Variants in TEC observed in about 807,000 individuals in gnomAD.
The protein encoded by TEC is tyrosine-protein kinase Tec.
Under a neutral mutation model 93.0 loss-of-function variants are expected in TEC, and 72 were observed. That is an observed-to-expected ratio of 0.77 (90% CI 0.64 to 0.94). The LOEUF (loss-of-function observed/expected upper bound fraction) is 0.94. TEC is among the 40% of genes least tolerant of loss of function. The pLI, the probability that TEC is intolerant of heterozygous loss-of-function variation, is 0.00. For missense variants in TEC, 630 were observed against 757.9 expected (o/e 0.83, Z 1.98); for synonymous variants, 249 against 247.7 (o/e 1.01, Z -0.05).
chr4:48,175,793 TC>T (rs914128626), intron 3 of TEC, among the ~76,000 whole-genome samples: 13 of 152,236 alleles, frequency 8.5e-5, no homozygotes, highest in Non-Finnish European at 1.8e-4. Context: ...ATTATTTTTT[TC>T]ATCACAAGCA....
At chr4:48,199,625 C>T (rs887553272) in intron 2 of TEC, among the ~76,000 whole-genome samples, 1 of 151,816 alleles carries the variant, frequency 6.6e-6, no homozygotes, top group East Asian at 1.9e-4. Context: ...CACCACCACA[C>T]CTGTCTAATT....
chr4:48,168,052 A>G, intron 6 of TEC, 99 bp from the exon 7 acceptor site: 1 of 1,029,950 alleles, frequency 9.7e-7, no homozygotes, highest in East Asian at 2.4e-5. Flanking sequence ...AGAATAAACT[A>G]GAAACTTCAA....
At chr4:48,235,573 G>T (rs1723761903) in intron 1 of TEC, among the ~76,000 whole-genome samples, 1 of 152,148 alleles carries the variant, frequency 6.6e-6, no homozygotes, top group South Asian at 2.1e-4. Flanking sequence ...GCTAAATGCT[G>T]TGAAATCTGG....
At chr4:48,233,287 T>G (rs1165791548) in intron 1 of TEC, among the ~76,000 whole-genome samples, 1 of 151,564 alleles carries the variant, frequency 6.6e-6, no homozygotes, top group East Asian at 1.9e-4. Context: ...TACCCTATAG[T>G]TAAGCCCACA....
At chr4:48,248,866 C>CTT (rs34690737) in intron 1 of TEC, among the ~76,000 whole-genome samples, 145 of 136,826 alleles carry the variant, frequency 1.1e-3, no homozygotes, top group African/African-American at 2.7e-3. Flanking sequence ...TCTCCTCTTT[C>CTT]TTTTTTTTTT....
chr4:48,171,361 GT>G lies in TEC; in HGVS notation c.325+6del. 6.2e-7 allele frequency: 1 copy of G among 1,609,090 alleles called. No homozygotes were observed. Among genetic ancestry groups the G allele is most frequent in the Non-Finnish European group, 8.5e-7 (1 of 1,177,836 alleles). On this transcript the variant is annotated splice_donor_region_variant and intron_variant, in intron 4 of 17. Coordinates refer to ENST00000381501, the MANE Select transcript of TEC (RefSeq NM_003215.3). ...TATATACAGAGTAATATTTCATTGA[GT>G]TTTACCTTCTTTTAACTTCTTCACC...
At chr4:48,239,175 G>A (rs904940801) in intron 1 of TEC, among the ~76,000 whole-genome samples, 10 of 151,986 alleles carry the variant, frequency 6.6e-5, no homozygotes, top group African/African-American at 1.2e-4. Context: ...AAACTCACAC[G>A]TAAAAGAAGT....
chr4:48,145,896 G>GTT (rs1050590797), intron 12 of TEC, among the ~76,000 whole-genome samples: 2 of 148,716 alleles, frequency 1.3e-5, no homozygotes, highest in African/African-American at 4.9e-5. Flanking sequence ...TCCTTCTCAG[G>GTT]TTTTTTTTTT....
intron 8 of TEC, among the ~76,000 whole-genome samples, chr4:48,162,629 C>G (rs905922982): frequency 6.6e-6 from 1 of 152,224 alleles, no homozygotes; most frequent in Non-Finnish European, 1.5e-5. Context: ...TGTTTATACT[C>G]TCTTCTACTT....
At chr4:48,217,005 C>T (rs1176028825) in intron 2 of TEC, among the ~76,000 whole-genome samples, 1 of 152,142 alleles carries the variant, frequency 6.6e-6, no homozygotes, top group Non-Finnish European at 1.5e-5. Flanking sequence ...GTAATTACCC[C>T]ATAAAAAGCT....
chr4:48,265,470 C>A (rs199683528), intron 1 of TEC, among the ~76,000 whole-genome samples: 8 of 63,282 alleles, frequency 1.3e-4, no homozygotes, highest in African/African-American at 3.8e-4. Flanking sequence ...TATACACACA[C>A]ATATATACGT....
At chr4:48,223,385 G>T (rs977518057) in intron 2 of TEC, among the ~76,000 whole-genome samples, 4 of 151,700 alleles carry the variant, frequency 2.6e-5, no homozygotes, top group African/African-American at 9.7e-5. Context: ...AATTTTCATT[G>T]GAATATCAAG....
intron 1 of TEC, among the ~76,000 whole-genome samples, chr4:48,242,787 T>C (rs1723954500): frequency 6.6e-6 from 1 of 152,204 alleles, no homozygotes; most frequent in African/African-American, 2.4e-5. Context: ...GTCTCTTTAA[T>C]ATGACAAGTT....
At chr4:48,187,013 A>G (rs1342583990) in intron 2 of TEC, among the ~76,000 whole-genome samples, 3 of 152,174 alleles carry the variant, frequency 2.0e-5, no homozygotes, top group Non-Finnish European at 4.4e-5. Flanking sequence ...GGGGAAAAGA[A>G]AGAGAGATCA....
At chr4:48,186,010 G>A (rs1468067598) in intron 2 of TEC, among the ~76,000 whole-genome samples, 4 of 152,124 alleles carry the variant, frequency 2.6e-5, no homozygotes, top group East Asian at 3.9e-4. Flanking sequence ...GGCGCGCGCC[G>A]CCACACCTGA....
intron 2 of TEC, among the ~76,000 whole-genome samples, chr4:48,224,065 A>G (rs1359762271): frequency 6.6e-6 from 1 of 152,142 alleles, no homozygotes; most frequent in Non-Finnish European, 1.5e-5. Flanking sequence ...TTTCGCTGTA[A>G]TAAATCTAGT....
chr4:48,170,354 A>G lies in TEC; in HGVS notation c.348T>C (p.Ile116=), dbSNP rs1721050477. Residue 116 remains isoleucine, a synonymous_variant, in exon 5 of 18, where the codon ATT becomes ATC. Transcript: ENST00000381501. ...AGAATTTAGGATGATATTTAATCATAATATTATTGTTGTTCTTTATTTCTG... is the reference window on the plus strand; with the variant it reads ...AGAATTTAGGATGATATTTAATCATGATATTATTGTTGTTCTTTATTTCTG... ...LKEEIKNNNN[I]MIKYHPKFWT... 7.0e-7 allele frequency: 1 copy of G among 1,437,800 alleles called. No homozygotes were observed. Among genetic ancestry groups the G allele is most frequent in the South Asian group, 1.2e-5 (1 of 83,572 alleles). 89.1% of individuals were successfully genotyped at this position (1,437,800 alleles called of 1,614,324 possible).
chr4:48,163,812 G>C, intron 7 of TEC, 45 bp from the exon 8 acceptor site: 1 of 931,790 alleles, frequency 1.1e-6, no homozygotes, highest in Non-Finnish European at 1.6e-6. Flanking sequence ...TTTACTGGGA[G>C]GTTATTGAAA....
chr4:48,144,222 A>C (rs915171146), intron 14 of TEC, among the ~76,000 whole-genome samples: 1 of 152,210 alleles, frequency 6.6e-6, no homozygotes, highest in Non-Finnish European at 1.5e-5. Flanking sequence ...TCAAAGGAAA[A>C]AAAAATTTTT....
Sources: gnomAD v4.1 joint callset for allele counts (sites outside exome capture counted in the v4.1 genomes callset) on GRCh38, gnomAD v4.1.1 for gene constraint, MANE v1.5 for transcripts, NCBI Gene and HGNC (gene_info 2026-07-23, HGNC 2026-07-21) for gene names.